NRXN1: variants seen among roughly 807,000 people sequenced by gnomAD.
NRXN1 encodes the protein neurexin-1.
In NRXN1, 39 loss-of-function variants were observed where a neutral mutation model predicts 150.9. That is an observed-to-expected ratio of 0.26 (90% CI 0.20 to 0.34). The LOEUF is 0.34. Among genes scored for constraint, NRXN1 ranks in the 10% least tolerant of loss-of-function variants. NRXN1 has a pLI of 1.00. For missense variants in NRXN1, 1,815 were observed against 1,949.9 expected (o/e 0.93, Z 1.30); for synonymous variants, 924 against 757.0 (o/e 1.22, Z -3.62).
At chr2:50,036,989 T>C (rs1299256601) in intron 21 of NRXN1, among the ~76,000 whole-genome samples, 2 of 152,174 alleles carry the variant, frequency 1.3e-5, no homozygotes, top group African/African-American at 4.8e-5. Flanking sequence ...AATTATGAGC[T>C]AAATAAAAGG....
chr2:50,384,390 C>T (rs2081174577), intron 17 of NRXN1, among the ~76,000 whole-genome samples: 1 of 151,500 alleles, frequency 6.6e-6, no homozygotes, highest in Non-Finnish European at 1.5e-5. Flanking sequence ...CCTGTAGTCC[C>T]AGCTACTTGG....
chr2:50,743,342 TAAG>T (rs1699662520), intron 5 of NRXN1, among the ~76,000 whole-genome samples: 2 of 152,078 alleles, frequency 1.3e-5, no homozygotes, highest in Non-Finnish European at 2.9e-5. Flanking sequence ...ACAAAATTAA[TAAG>T]AAGATGTTAA....
At chr2:50,377,436 C>G (rs1347931968) in intron 17 of NRXN1, among the ~76,000 whole-genome samples, 2 of 152,094 alleles carry the variant, frequency 1.3e-5, no homozygotes, top group Non-Finnish European at 2.9e-5. Flanking sequence ...CTCATCATTC[C>G]TTTTTATGGC....
At chr2:50,366,859 A>G (rs576186353) in intron 17 of NRXN1, among the ~76,000 whole-genome samples, 1 of 152,148 alleles carries the variant, frequency 6.6e-6, no homozygotes, top group African/African-American at 2.4e-5. Context: ...GAGTTATACC[A>G]GCCCTGTGTC....
At chr2:50,640,846 A>G (rs1370123602) in intron 5 of NRXN1, among the ~76,000 whole-genome samples, 1 of 152,180 alleles carries the variant, frequency 6.6e-6, no homozygotes, top group Non-Finnish European at 1.5e-5. Context: ...ATATGCTTTA[A>G]GTATTTCTGG....
chr2:50,692,723 T>C (rs1200672919), intron 5 of NRXN1, among the ~76,000 whole-genome samples: 1 of 152,052 alleles, frequency 6.6e-6, no homozygotes, highest in Non-Finnish European at 1.5e-5. Flanking sequence ...TCCCCTTGGG[T>C]AGTATGATTC....
At chr2:50,587,204 G>A (rs1279793152) in intron 8 of NRXN1, among the ~76,000 whole-genome samples, 1 of 152,298 alleles carries the variant, frequency 6.6e-6, no homozygotes, top group Admixed American at 6.5e-5. Context: ...CCCTGTTTTG[G>A]CCAGGCATGG....
chr2:50,476,921 C>G (rs757976595), intron 15 of NRXN1, among the ~76,000 whole-genome samples: 15 of 152,110 alleles, frequency 9.9e-5, no homozygotes, highest in African/African-American at 2.4e-5. Flanking sequence ...GCCCAAGGGC[C>G]AGGTTGTCAG....
chr2:50,814,970 G>A (rs992540657), intron 5 of NRXN1, among the ~76,000 whole-genome samples: 1 of 152,056 alleles, frequency 6.6e-6, no homozygotes, highest in African/African-American at 2.4e-5. Context: ...AGAATAAGGA[G>A]CTATATAGAG....
chr2:50,245,718 T>C lies in NRXN1; in HGVS notation c.3365-8748A>G, dbSNP rs145558505. On this transcript the variant is annotated intron_variant, in intron 17 of 22. Coordinates refer to ENST00000401669, the MANE Select transcript of NRXN1 (RefSeq NM_001330078.2). ...TAGGATTCAAGAGTCAAGAATTTTC[T>C]TTACTATAATTATGGTCTAAAAAAT... 4.8e-3 allele frequency among the ~76,000 whole-genome samples: 723 copies of C among 151,788 alleles called. 7 individuals carry two copies. The highest frequency in any genetic ancestry group is 0.016 in the African/African-American group (683 of 41,462).
chr2:50,360,621 T>C (rs755722136), intron 17 of NRXN1, among the ~76,000 whole-genome samples: 1 of 152,142 alleles, frequency 6.6e-6, no homozygotes, highest in Non-Finnish European at 1.5e-5. Flanking sequence ...AGCAAGTTCT[T>C]AGAGACCTAC....
intron 18 of NRXN1, among the ~76,000 whole-genome samples, chr2:50,182,256 C>G (rs1452780199): frequency 6.6e-6 from 1 of 151,792 alleles, no homozygotes; most frequent in East Asian, 1.9e-4. Flanking sequence ...TTCTTCTCTC[C>G]TATTCTTTCC....
rs985737746 is a variant in NRXN1, at chr2:49,974,143, T to A, written c.4129-30352A>T. On this transcript the variant is annotated intron_variant, in intron 21 of 22. Transcript: ENST00000401669. The stretch of plus-strand genomic sequence containing the variant: ...TGGGAGATCAAGATGATAAATTGCC[T>A]GCGCATCAGCCCGGCCTATCAGTGC... The A allele has an allele frequency of 4.2e-6, 3 of 713,986 alleles. No homozygotes were observed. The African/African-American group carries it at 5.2e-5, about 12-fold the overall frequency. 44.2% of individuals were successfully genotyped at this position (713,986 alleles called of 1,614,324 possible). A position where few individuals can be genotyped will look rare whatever the true frequency, so the allele number is the denominator to read the frequency against.
intron 5 of NRXN1, among the ~76,000 whole-genome samples, chr2:50,723,965 C>T (rs1696999691): frequency 6.6e-6 from 1 of 152,192 alleles, no homozygotes; most frequent in Non-Finnish European, 1.5e-5. Context: ...AATACAAGTT[C>T]TTGCTTCATT....
chr2:50,133,456 G>C (rs1705878510), intron 18 of NRXN1, among the ~76,000 whole-genome samples: 1 of 152,172 alleles, frequency 6.6e-6, no homozygotes, highest in African/African-American at 2.4e-5. Flanking sequence ...GAGTAGATAT[G>C]CCACACCCAT....
chr2:50,142,382 T>C (rs1016348328), intron 18 of NRXN1, among the ~76,000 whole-genome samples: 1 of 151,804 alleles, frequency 6.6e-6, no homozygotes, highest in Non-Finnish European at 1.5e-5. Context: ...AGAAATATGT[T>C]CTAATGTTTG....
At chr2:50,812,409 C>T (rs923275322) in intron 5 of NRXN1, among the ~76,000 whole-genome samples, 7 of 152,038 alleles carry the variant, frequency 4.6e-5, no homozygotes, top group African/African-American at 1.7e-4. Context: ...CAGAGTGACA[C>T]CCAGAAATTA....
chr2:49,973,875 T>G (rs1182620002), intron 21 of NRXN1: 1 of 620,216 alleles, frequency 1.6e-6, no homozygotes, highest in African/African-American at 1.9e-5. Context: ...ATTCTTATTT[T>G]CATTATTATT....
chr2:50,400,404 G>A (rs1024244408), intron 17 of NRXN1, among the ~76,000 whole-genome samples: 2 of 152,018 alleles, frequency 1.3e-5, no homozygotes, highest in Non-Finnish European at 2.9e-5. Flanking sequence ...TTGGGGGGTA[G>A]GGGTCTTCAG....
Sources: allele counts gnomAD v4.1 joint callset (sites outside exome capture counted in the v4.1 genomes callset), GRCh38; gene constraint gnomAD v4.1.1; transcripts MANE v1.5; gene names NCBI Gene and HGNC (gene_info 2026-07-23, HGNC 2026-07-21).